The following RGS6 variants were observed in gnomAD, a reference collection of about 807,000 sequenced individuals.
RGS6 encodes regulator of G-protein signaling 6.
RGS6 carries 30 observed loss-of-function variants against 78.5 expected under a neutral mutation model. That is an observed-to-expected ratio of 0.38 (90% CI 0.29 to 0.52). The LOEUF (loss-of-function observed/expected upper bound fraction) is 0.52, where lower values mean the gene tolerates loss of function less well. Among genes scored for constraint, RGS6 ranks in the 20% least tolerant of loss-of-function variants. RGS6 has a pLI of 0.85. For synonymous variants in RGS6, 206 were observed against 206.0 expected, an observed-to-expected ratio of 1.00 and a Z score of 0.00; for missense variants, 495 against 609.7, an observed-to-expected ratio of 0.81 and a Z score of 1.98.
intron 2 of RGS6, among the ~76,000 whole-genome samples, chr14:72,190,345 T>C (rs149634): frequency 0.22 from 33,523 of 152,222 alleles, 4,115 homozygotes; most frequent in East Asian, 0.35. Flanking sequence ...TGTTTTTCCA[T>C]CATTTGGGTC....
At position 72,359,217 on chromosome 14, in the gene RGS6, C is replaced by T. The variant is rs2529458; in HGVS notation, c.184+7023C>T. ...ATGTCTTTATTAGCAGCATGAGAACCGACTAATAGAGTAGAACAGATATTA... is the reference window on the plus strand; with the variant it reads ...ATGTCTTTATTAGCAGCATGAGAACTGACTAATAGAGTAGAACAGATATTA... On this transcript the variant is annotated intron_variant, in intron 3 of 17. Coordinates refer to ENST00000553525, the MANE Select transcript of RGS6 (RefSeq NM_001204424.2). Among the ~76,000 whole-genome samples the T allele has an allele frequency of 9.9e-5, 15 of 151,942 alleles. No homozygotes were observed. In the East Asian group the frequency reaches 2.1e-3, roughly 22 times the overall value.
chr14:72,022,117 A>G (rs1481239268), intron 2 of RGS6, among the ~76,000 whole-genome samples: 1 of 152,032 alleles, frequency 6.6e-6, no homozygotes, highest in Non-Finnish European at 1.5e-5. Context: ...GTTATTTTTT[A>G]TGGCTGCATA....
At chr14:72,349,430 A>G (rs1302317010) in intron 2 of RGS6, among the ~76,000 whole-genome samples, 1 of 152,160 alleles carries the variant, frequency 6.6e-6, no homozygotes, top group Non-Finnish European at 1.5e-5. Context: ...CAGGCAAATC[A>G]TATGGCCAAA....
chr14:72,335,509 G>T (rs2075865176), intron 2 of RGS6, among the ~76,000 whole-genome samples: 1 of 152,154 alleles, frequency 6.6e-6, no homozygotes, highest in African/African-American at 2.4e-5. Flanking sequence ...GGCTCAACAG[G>T]TGCTTCTACA....
intron 2 of RGS6, among the ~76,000 whole-genome samples, chr14:72,151,209 G>C (rs2096681360): frequency 1.3e-5 from 2 of 152,262 alleles, no homozygotes; most frequent in Non-Finnish European, 2.9e-5. Context: ...GAGGAAACCT[G>C]GGTCTTAGTC....
At chr14:72,582,718 T>G in the RGS6 span, among the ~76,000 whole-genome samples, 2 of 152,154 alleles carry the variant, frequency 1.3e-5, no homozygotes, top group Non-Finnish European at 2.9e-5. Context: ...TTCATCAGCA[T>G]GTAGTGTAGC....
chr14:72,076,952 T>TTA (rs10642376), intron 2 of RGS6, among the ~76,000 whole-genome samples: 34,739 of 145,314 alleles, frequency 0.24, 4,210 homozygotes, highest in Admixed American at 0.29. Flanking sequence ...CAGCCAAATT[T>TTA]TATATATATA....
intron 3 of RGS6, among the ~76,000 whole-genome samples, chr14:72,414,380 G>A (rs1042660939): frequency 2.3e-4 from 35 of 152,170 alleles, no homozygotes; most frequent in African/African-American, 6.3e-4. Context: ...TTGTGCATTC[G>A]TCACATAGTT....
intron 2 of RGS6, among the ~76,000 whole-genome samples, chr14:72,078,474 C>G (rs1014679293): frequency 6.6e-6 from 1 of 151,846 alleles, no homozygotes; most frequent in Admixed American, 6.6e-5. Context: ...AGTGCAGTGG[C>G]GCCATCTCAG....
upstream of RGS6, among the ~76,000 whole-genome samples, chr14:71,931,005 A>T (rs919299833): frequency 6.8e-6 from 1 of 146,072 alleles, no homozygotes; most frequent in Non-Finnish European, 1.5e-5. Flanking sequence ...AAAAAAAAAA[A>T]AAAAAAAAAA....
intron 2 of RGS6, among the ~76,000 whole-genome samples, chr14:72,249,744 G>C (rs1380336394): frequency 3.9e-5 from 6 of 152,092 alleles, no homozygotes; most frequent in Non-Finnish European, 8.8e-5. Context: ...GAGTAAGAGG[G>C]GTGAGAAACT....
intron 2 of RGS6, among the ~76,000 whole-genome samples, chr14:72,155,119 G>T (rs1326712305): frequency 6.6e-6 from 1 of 152,220 alleles, no homozygotes; most frequent in East Asian, 1.9e-4. Flanking sequence ...CCTCCAGAGT[G>T]CAGGGTCCCC....
chr14:71,931,730 G>T (rs541724983), upstream of RGS6, among the ~76,000 whole-genome samples: 4 of 152,122 alleles, frequency 2.6e-5, no homozygotes, highest in East Asian at 7.7e-4. Context: ...AGTACACATC[G>T]CATTTCAAAA....
At chr14:71,916,599 C>G in the RGS6 span, among the ~76,000 whole-genome samples, 6 of 150,376 alleles carry the variant, frequency 4.0e-5, no homozygotes, top group Non-Finnish European at 7.4e-5. Context: ...GACTATAATG[C>G]TTTAGGAATT....
chr14:72,517,909 G>A (rs1315260122), intron 14 of RGS6, among the ~76,000 whole-genome samples: 6 of 152,194 alleles, frequency 3.9e-5, no homozygotes, highest in Non-Finnish European at 8.8e-5. Flanking sequence ...ATCTCCCAGG[G>A]GACATTGGGC....
At chr14:72,137,859 G>A (rs1399241908) in intron 2 of RGS6, among the ~76,000 whole-genome samples, 1 of 152,126 alleles carries the variant, frequency 6.6e-6, no homozygotes, top group Non-Finnish European at 1.5e-5. Context: ...AGGCACAATT[G>A]TTTAAATCAT....
chr14:71,956,329 TAG>T (rs1491478205), intron 1 of RGS6, among the ~76,000 whole-genome samples: 50 of 84,786 alleles, frequency 5.9e-4, no homozygotes, highest in South Asian at 2.6e-3. Flanking sequence ...ACAGAACTAA[TAG>T]TGTGTGTGTG....
chr14:72,529,444 C>A (rs116081966), intron 15 of RGS6, among the ~76,000 whole-genome samples: 2,455 of 152,288 alleles, frequency 0.016, 68 homozygotes, highest in African/African-American at 0.055. Flanking sequence ...ATTCTCTTAT[C>A]TTTCTCCCCA....
chr14:72,271,804 G>T (rs2059982370), intron 2 of RGS6, among the ~76,000 whole-genome samples: 1 of 152,110 alleles, frequency 6.6e-6, no homozygotes, highest in Non-Finnish European at 1.5e-5. Context: ...CTCTAGGGGA[G>T]AATCTGTTTC....
Sources: gnomAD v4.1 joint callset for allele counts (sites outside exome capture counted in the v4.1 genomes callset) on GRCh38, gnomAD v4.1.1 for gene constraint, MANE v1.5 for transcripts, NCBI Gene and HGNC (gene_info 2026-07-23, HGNC 2026-07-21) for gene names.